Variants in FGGY observed in about 807,000 individuals in gnomAD.
The protein encoded by FGGY is FGGY carbohydrate kinase domain containing.
Under a neutral mutation model 71.3 loss-of-function variants are expected in FGGY, and 72 were observed. That is an observed-to-expected ratio of 1.01 (90% confidence interval 0.84 to 1.23). The LOEUF (loss-of-function observed/expected upper bound fraction) is 1.23, where lower values mean the gene tolerates loss of function less well. FGGY is among the 50% of genes most tolerant of loss of function. The pLI is 0.00. For synonymous variants in FGGY, 251 were observed against 250.3 expected, an observed-to-expected ratio of 1.00 and a Z score of -0.02; for missense variants, 668 against 682.3, an observed-to-expected ratio of 0.98 and a Z score of 0.23.
rs576474104 is a variant in FGGY at position 59,602,470 on chromosome 1, G to GT, written c.904-5327dup. Among the ~76,000 whole-genome samples the GT allele has an allele frequency of 3.0e-3, 456 of 152,252 alleles. 1 individual carries two copies. Among genetic ancestry groups the GT allele is most frequent in the Admixed American group, 8.0e-3 (122 of 15,282 alleles). ...CTGATTTAAAGGCTCATTTCAGTGGGTTTTTTCCCCAACCATAATTGTTTT... is the reference window on the plus strand; with the variant it reads ...CTGATTTAAAGGCTCATTTCAGTGGGTTTTTTTCCCCAACCATAATTGTTTT... On this transcript the variant is annotated intron_variant, in intron 8 of 15. Transcript: ENST00000303721.
chr1:59,537,375 A>G (rs1175016838), intron 7 of FGGY, among the ~76,000 whole-genome samples: 1 of 152,234 alleles, frequency 6.6e-6, no homozygotes, highest in Non-Finnish European at 1.5e-5. Flanking sequence ...AGAACATTCC[A>G]TGCTCGTGGA....
At chr1:59,639,087 A>G (rs2096991714) in intron 11 of FGGY, among the ~76,000 whole-genome samples, 1 of 152,134 alleles carries the variant, frequency 6.6e-6, no homozygotes, top group African/African-American at 2.4e-5. Flanking sequence ...CAAATAAGAA[A>G]ATAAGCCATG....
At chr1:59,637,784 A>G (rs1019513033) in intron 10 of FGGY, among the ~76,000 whole-genome samples, 3 of 152,136 alleles carry the variant, frequency 2.0e-5, no homozygotes, top group African/African-American at 4.8e-5. Flanking sequence ...CATTATTACA[A>G]TTAGGAATAC....
At chr1:59,616,776 T>C (rs955809202) in intron 9 of FGGY, among the ~76,000 whole-genome samples, 6 of 152,132 alleles carry the variant, frequency 3.9e-5, no homozygotes, top group Non-Finnish European at 8.8e-5. Context: ...TAATATTATT[T>C]TGAAGGCTTG....
rs562969765 is a variant in FGGY, at chr1:59,430,479, G to A, written c.555-26482G>A. Among the ~76,000 whole-genome samples the A allele has an allele frequency of 4.3e-4, 66 of 152,198 alleles. 1 individual carries two copies. In the Middle Eastern group the frequency reaches 0.024, roughly 55 times the overall value. On this transcript the variant is annotated intron_variant, in intron 5 of 15. Coordinates refer to ENST00000303721, the MANE Select transcript of FGGY (RefSeq NM_018291.5). ...TTGCAGGTGTCAGGTATGCTCATGG[G>A]CCCTGCATGCATACTTAAGGTTGGG...
intron 14 of FGGY, among the ~76,000 whole-genome samples, chr1:59,720,335 A>T (rs887848928): frequency 6.6e-6 from 1 of 152,186 alleles, no homozygotes; most frequent in African/African-American, 2.4e-5. Context: ...CAGGGGGAAA[A>T]AAAGGTCCTT....
chr1:59,601,757 C>A (rs1272010363), intron 8 of FGGY, among the ~76,000 whole-genome samples: 1 of 152,198 alleles, frequency 6.6e-6, no homozygotes, highest in Non-Finnish European at 1.5e-5. Flanking sequence ...CTTTCTATAT[C>A]TTTTCATGTT....
intron 8 of FGGY, among the ~76,000 whole-genome samples, chr1:59,569,489 C>T (rs1490699197): frequency 1.3e-5 from 2 of 152,118 alleles, no homozygotes; most frequent in Non-Finnish European, 2.9e-5. Flanking sequence ...TTGCTGTCCT[C>T]CTCAGAACTG....
At chr1:59,554,885 T>C (rs2095660873) in intron 8 of FGGY, among the ~76,000 whole-genome samples, 1 of 152,188 alleles carries the variant, frequency 6.6e-6, no homozygotes, top group South Asian at 2.1e-4. Flanking sequence ...ATTACTCTGT[T>C]AAACTTAAAT....
chr1:59,750,421 A>G (rs2098235462), intron 14 of FGGY, among the ~76,000 whole-genome samples: 1 of 152,232 alleles, frequency 6.6e-6, no homozygotes, highest in African/African-American at 2.4e-5. Context: ...TATAGTACAC[A>G]TAAGGTGAAA....
At chr1:59,710,346 A>G (rs1006794065) in intron 14 of FGGY, among the ~76,000 whole-genome samples, 1 of 152,218 alleles carries the variant, frequency 6.6e-6, no homozygotes, top group Admixed American at 6.5e-5. Flanking sequence ...GAAAAACCCT[A>G]GAAGAAAACC....
chr1:59,388,388 C>T (rs1171789885), intron 5 of FGGY, among the ~76,000 whole-genome samples: 3 of 152,096 alleles, frequency 2.0e-5, no homozygotes, highest in Non-Finnish European at 4.4e-5. Context: ...TTTCCCTTAC[C>T]GTCTTGGAGA....
intron 1 of FGGY, among the ~76,000 whole-genome samples, chr1:59,300,730 T>A (rs2042631992): frequency 6.6e-6 from 1 of 152,204 alleles, no homozygotes; most frequent in Non-Finnish European, 1.5e-5. Context: ...CACTGTTTGC[T>A]GAAAAGCCTA....
intron 8 of FGGY, among the ~76,000 whole-genome samples, chr1:59,592,188 TC>T (rs1558474731): frequency 1.3e-5 from 2 of 152,186 alleles, no homozygotes; most frequent in African/African-American, 4.8e-5. Flanking sequence ...GAAAAAATGC[TC>T]ACCATCACTG....
intron 14 of FGGY, among the ~76,000 whole-genome samples, chr1:59,697,447 G>A (rs1432614674): frequency 6.6e-6 from 1 of 152,072 alleles, no homozygotes; most frequent in Non-Finnish European, 1.5e-5. Context: ...GAATCATACA[G>A]CATTTGTCTT....
chr1:59,663,302 A>T (rs911166375), intron 12 of FGGY, among the ~76,000 whole-genome samples: 1 of 152,136 alleles, frequency 6.6e-6, no homozygotes, highest in Non-Finnish European at 1.5e-5. Context: ...TTTCCACTTT[A>T]CCATGCTGCA....
At chr1:59,643,997 A>G (rs1278386178) in intron 11 of FGGY, among the ~76,000 whole-genome samples, 1 of 152,200 alleles carries the variant, frequency 6.6e-6, no homozygotes, top group African/African-American at 2.4e-5. Flanking sequence ...AACATGCATT[A>G]TACATGGTTT....
At chr1:59,660,099 G>A in intron 11 of FGGY, 120 bp from the exon 12 acceptor site, 1 of 823,532 alleles carries the variant, frequency 1.2e-6, no homozygotes, top group Non-Finnish European at 2.0e-6. Flanking sequence ...ACAAAAAGGG[G>A]ATTTGCATAT....
chr1:59,378,221 T>C (rs771589479), intron 4 of FGGY, among the ~76,000 whole-genome samples: 6 of 152,144 alleles, frequency 3.9e-5, no homozygotes, highest in Non-Finnish European at 7.4e-5. Flanking sequence ...AATTCTCTCA[T>C]GTTGTGGGAG....
Sources: gnomAD v4.1 joint callset for allele counts (sites outside exome capture counted in the v4.1 genomes callset) on GRCh38, gnomAD v4.1.1 for gene constraint, MANE v1.5 for transcripts, NCBI Gene and HGNC (gene_info 2026-07-23, HGNC 2026-07-21) for gene names.